The following ADGRL3 variants were observed in gnomAD, a reference collection of about 807,000 sequenced individuals.
ADGRL3 encodes calcium-independent alpha-latrotoxin receptor 3.
A neutral mutation model predicts 153.5 loss-of-function variants in ADGRL3; 62 were observed. The observed-to-expected ratio is 0.40, with a 90% CI of 0.33 to 0.50. ADGRL3 has a LOEUF of 0.50. ADGRL3 is among the 20% of genes least tolerant of loss of function. ADGRL3 has a pLI of 0.47. For missense variants in ADGRL3, 1,641 were observed against 1,859.4 expected (o/e 0.88, Z 2.16); for synonymous variants, 710 against 672.5 (o/e 1.06, Z -0.86).
At chr4:61,302,552 CAT>C (rs2094613256) in intron 1 of ADGRL3, among the ~76,000 whole-genome samples, 1 of 151,596 alleles carries the variant, frequency 6.6e-6, no homozygotes, top group East Asian at 1.9e-4. Flanking sequence ...ATTCTTTTGT[CAT>C]AGATGTTTTT....
At chr4:61,386,686 G>A (rs796499999) in intron 2 of ADGRL3, among the ~76,000 whole-genome samples, 16 of 152,082 alleles carry the variant, frequency 1.1e-4, no homozygotes, top group African/African-American at 3.6e-4. Flanking sequence ...GAAAAATATG[G>A]CAACAAATAA....
At chr4:61,867,540 A>ATATATATATATATATATATATATATAT (rs201200813) in intron 9 of ADGRL3, among the ~76,000 whole-genome samples, 248 of 131,886 alleles carry the variant, frequency 1.9e-3, no homozygotes, top group Middle Eastern at 4.1e-3. Context: ...ATATATATAT[A>ATATATATATATATATATATATATATAT]ATTGTAGGAG....
chr4:61,843,114 G>A (rs1259838322), intron 9 of ADGRL3, among the ~76,000 whole-genome samples: 1 of 152,112 alleles, frequency 6.6e-6, no homozygotes, highest in Non-Finnish European at 1.5e-5. Context: ...TGTTGGAAAG[G>A]TATGATAGAA....
At chr4:61,878,339 G>T (rs1004130498) in intron 9 of ADGRL3, among the ~76,000 whole-genome samples, 1 of 152,112 alleles carries the variant, frequency 6.6e-6, no homozygotes, top group African/African-American at 2.4e-5. Context: ...GAGCATAATT[G>T]AGCCCATAAC....
chr4:61,603,633 GC>G (rs1213405244), intron 5 of ADGRL3, among the ~76,000 whole-genome samples: 20 of 152,112 alleles, frequency 1.3e-4, no homozygotes, highest in African/African-American at 4.6e-4. Context: ...TTATATCTCA[GC>G]ACTTAGAATA....
chr4:61,919,039 T>A (rs2098756707), intron 13 of ADGRL3, among the ~76,000 whole-genome samples: 1 of 152,210 alleles, frequency 6.6e-6, no homozygotes, highest in East Asian at 1.9e-4. Flanking sequence ...AAGAGCTCTG[T>A]GGTGCATGTC....
intron 11 of ADGRL3, among the ~76,000 whole-genome samples, chr4:61,897,831 T>C (rs543218131): frequency 6.6e-6 from 1 of 152,176 alleles, no homozygotes; most frequent in East Asian, 1.9e-4. Context: ...TGAGGAGGTT[T>C]TGTTTACAAT....
chr4:62,063,195 T>C (rs1344735461), intron 25 of ADGRL3, among the ~76,000 whole-genome samples: 5 of 152,082 alleles, frequency 3.3e-5, no homozygotes, highest in African/African-American at 7.2e-5. Context: ...TTTTGCTTTT[T>C]TTCACTTTAA....
chr4:61,539,930 C>G (rs969808856), intron 4 of ADGRL3, among the ~76,000 whole-genome samples: 11 of 152,032 alleles, frequency 7.2e-5, no homozygotes, highest in Admixed American at 2.0e-4. Flanking sequence ...GGACCTGGCT[C>G]TCCTCCCTCA....
chr4:61,443,050 T>G (rs1449819994), intron 2 of ADGRL3, among the ~76,000 whole-genome samples: 1 of 152,202 alleles, frequency 6.6e-6, no homozygotes, highest in African/African-American at 2.4e-5. Context: ...AAGACTTAGA[T>G]ACAAAGCCAT....
intron 9 of ADGRL3, among the ~76,000 whole-genome samples, chr4:61,869,960 A>AAAAAG (rs1554051477): frequency 2.9e-5 from 3 of 101,886 alleles, no homozygotes; most frequent in African/African-American, 1.2e-4. Flanking sequence ...AAAAAAAAAA[A>AAAAAG]AGAGAGAGAG....
intron 5 of ADGRL3, among the ~76,000 whole-genome samples, chr4:61,610,775 T>C (rs2091232823): frequency 7.2e-6 from 1 of 138,054 alleles, no homozygotes; most frequent in Non-Finnish European, 1.5e-5. Context: ...GAACCTTACA[T>C]TAATGCATTG....
intron 6 of ADGRL3, among the ~76,000 whole-genome samples, chr4:61,680,279 A>T (rs1323073965): frequency 6.7e-6 from 1 of 149,308 alleles, no homozygotes; most frequent in Non-Finnish European, 1.5e-5. Flanking sequence ...ATTTAGTAAT[A>T]TCCATTTCCA....
In ADGRL3 at chr4:61,222,384, G is replaced by A. The variant is rs1303908174; in HGVS notation, c.-240+20619G>A. ...TATAATATAGAGTGATCAGATTAGG[G>A]TAATTAGCATATCCATCATCTCAAA... is the stretch of plus-strand genomic sequence containing the variant. On this transcript the variant is annotated intron_variant, in intron 1 of 26. Coordinates refer to ENST00000683033, the MANE Select transcript of ADGRL3 (RefSeq NM_001387552.1). 2.6e-5 allele frequency among the ~76,000 whole-genome samples: 4 copies of A among 152,016 alleles called. No individual in the cohort carries two copies. The East Asian group carries it at 7.7e-4, about 29-fold the overall frequency.
intron 6 of ADGRL3, among the ~76,000 whole-genome samples, chr4:61,706,063 G>C (rs926534491): frequency 2.6e-5 from 4 of 152,138 alleles, no homozygotes; most frequent in Non-Finnish European, 5.9e-5. Context: ...TGTTACTGAA[G>C]CTTTGAAGCC....
chr4:61,739,361 C>T (rs1471877531), intron 8 of ADGRL3, among the ~76,000 whole-genome samples: 2 of 151,246 alleles, frequency 1.3e-5, no homozygotes, highest in Non-Finnish European at 2.9e-5. Context: ...GGCTGGAGTG[C>T]AGTGCCACAC....
At chr4:61,624,388 T>G (rs1216937626) in intron 5 of ADGRL3, among the ~76,000 whole-genome samples, 1 of 152,112 alleles carries the variant, frequency 6.6e-6, no homozygotes, top group Admixed American at 6.6e-5. Flanking sequence ...AGATGTATTC[T>G]GGATGACTCC....
intron 9 of ADGRL3, among the ~76,000 whole-genome samples, chr4:61,828,908 A>G (rs1392862920): frequency 6.6e-6 from 1 of 152,110 alleles, no homozygotes; most frequent in African/African-American, 2.4e-5. Context: ...AAGCTCAGCT[A>G]TTTTTCTTTT....
At chr4:61,882,108 A>T (rs2098512047) in intron 9 of ADGRL3, among the ~76,000 whole-genome samples, 2 of 152,230 alleles carry the variant, frequency 1.3e-5, no homozygotes, top group Admixed American at 1.3e-4. Context: ...GAGAACACTA[A>T]CATAATTGTA....
Sources: gnomAD v4.1 joint callset for allele counts (sites outside exome capture counted in the v4.1 genomes callset) on GRCh38, gnomAD v4.1.1 for gene constraint, MANE v1.5 for transcripts, NCBI Gene and HGNC (gene_info 2026-07-23, HGNC 2026-07-21) for gene names.